The following MAGI2 variants were observed in gnomAD, a reference collection of about 807,000 sequenced individuals.
MAGI2 encodes membrane-associated guanylate kinase, WW and PDZ domain-containing protein 2.
Under a neutral mutation model 133.3 loss-of-function variants are expected in MAGI2, and 35 were observed. The ratio of observed to expected loss-of-function variants is 0.26; its 90% confidence interval spans 0.20 to 0.35. The LOEUF is 0.35. Among genes scored for constraint, MAGI2 ranks in the 10% least tolerant of loss-of-function variants. The pLI, the probability that MAGI2 is intolerant of heterozygous loss-of-function variation, is 1.00. For missense variants in MAGI2, 1,636 were observed against 1,863.4 expected (o/e 0.88, Z 2.25); for synonymous variants, 729 against 710.6 (o/e 1.03, Z -0.41).
intron 1 of MAGI2, among the ~76,000 whole-genome samples, chr7:79,154,182 C>T (rs1823539305): frequency 6.6e-6 from 1 of 151,966 alleles, no homozygotes; most frequent in African/African-American, 2.4e-5. Flanking sequence ...TCAGCTTATC[C>T]CAATCAGATA....
intron 21 of MAGI2, among the ~76,000 whole-genome samples, chr7:78,040,382 G>A (rs3807782): frequency 0.18 from 27,985 of 152,152 alleles, 3,404 homozygotes; most frequent in African/African-American, 0.34. Flanking sequence ...CCCCCTGGCG[G>A]CCCCTGGTCG....
At chr7:78,691,995 C>T (rs995769373) in intron 2 of MAGI2, among the ~76,000 whole-genome samples, 3 of 152,046 alleles carry the variant, frequency 2.0e-5, no homozygotes, top group Non-Finnish European at 4.4e-5. Context: ...GTTTTGCATG[C>T]GTCGGGGCAG....
intron 21 of MAGI2, among the ~76,000 whole-genome samples, chr7:78,028,056 C>T (rs1189209441): frequency 6.6e-6 from 1 of 152,126 alleles, no homozygotes; most frequent in Non-Finnish European, 1.5e-5. Context: ...AAAAGAAAAA[C>T]CTTTTAAGAA....
At chr7:79,080,806 C>T (rs959023679) in intron 1 of MAGI2, among the ~76,000 whole-genome samples, 2 of 152,116 alleles carry the variant, frequency 1.3e-5, no homozygotes, top group African/African-American at 4.8e-5. Flanking sequence ...TCAAATCTGT[C>T]AACTGCTCTC....
At chr7:78,800,593 T>G (rs931247562) in intron 2 of MAGI2, among the ~76,000 whole-genome samples, 1 of 152,102 alleles carries the variant, frequency 6.6e-6, no homozygotes, top group African/African-American at 2.4e-5. Flanking sequence ...AATAGAACAA[T>G]TTTTGGTCTA....
At chr7:78,891,644 T>C (rs1168257501) in intron 2 of MAGI2, among the ~76,000 whole-genome samples, 1 of 152,184 alleles carries the variant, frequency 6.6e-6, no homozygotes. Flanking sequence ...ATTATCTCAA[T>C]AGATGCAGAA....
chr7:78,192,282 A>G (rs1314690879), intron 12 of MAGI2, among the ~76,000 whole-genome samples: 1 of 152,174 alleles, frequency 6.6e-6, no homozygotes, highest in Non-Finnish European at 1.5e-5. Flanking sequence ...AATGTTATGC[A>G]TGTGATTCAA....
At chr7:79,404,298 T>C (rs755961229) in intron 1 of MAGI2, among the ~76,000 whole-genome samples, 11 of 152,112 alleles carry the variant, frequency 7.2e-5, no homozygotes, top group Non-Finnish European at 1.0e-4. Context: ...GGCTTCTGCA[T>C]TAATTTATGT....
At chr7:78,309,328 A>G (rs1346211487) in intron 9 of MAGI2, among the ~76,000 whole-genome samples, 1 of 152,248 alleles carries the variant, frequency 6.6e-6, no homozygotes, top group Non-Finnish European at 1.5e-5. Flanking sequence ...AAAATATGAT[A>G]CATATACACC....
chr7:79,097,701 C>G (rs961747583), intron 1 of MAGI2, among the ~76,000 whole-genome samples: 3 of 152,192 alleles, frequency 2.0e-5, no homozygotes, highest in African/African-American at 4.8e-5. Context: ...TAAAAACTCT[C>G]AATTTCTAAC....
intron 2 of MAGI2, among the ~76,000 whole-genome samples, chr7:78,727,572 A>T (rs1286984856): frequency 6.6e-6 from 1 of 152,208 alleles, no homozygotes; most frequent in East Asian, 1.9e-4. Flanking sequence ...AGTGAACTAC[A>T]TTCTTATTTT....
intron 2 of MAGI2, among the ~76,000 whole-genome samples, chr7:78,896,191 T>G (rs1328431559): frequency 6.6e-6 from 1 of 152,172 alleles, no homozygotes; most frequent in Non-Finnish European, 1.5e-5. Context: ...ATTTCCTGCA[T>G]TTCTTTGAGC....
intron 1 of MAGI2, among the ~76,000 whole-genome samples, chr7:79,415,944 G>T (rs1442193776): frequency 6.6e-6 from 1 of 152,060 alleles, no homozygotes. Flanking sequence ...TTAAAACTTA[G>T]TAAGAAAATA....
intron 1 of MAGI2, among the ~76,000 whole-genome samples, chr7:79,187,914 G>A (rs1255760257): frequency 6.6e-6 from 1 of 151,726 alleles, no homozygotes; most frequent in Admixed American, 6.6e-5. Context: ...AAAAAAAATT[G>A]TATGTTTATG....
At chr7:78,421,490 G>C (rs1006361219) in intron 6 of MAGI2, among the ~76,000 whole-genome samples, 2 of 152,034 alleles carry the variant, frequency 1.3e-5, no homozygotes, top group Non-Finnish European at 2.9e-5. Context: ...GATTATTTTC[G>C]TCACATATAA....
rs559645934 is a variant in MAGI2, at chr7:79,211,430, A to C, written c.302-204224T>G. On this transcript the variant is annotated intron_variant, in intron 1 of 21. Coordinates refer to ENST00000354212, the MANE Select transcript of MAGI2 (RefSeq NM_012301.4). Reference sequence around the variant, plus strand: ...GTAGCTGAGACTACAGTGCACCACTATGTCCGGCTAATTATTTTCTTTCTT... The same window carrying C: ...GTAGCTGAGACTACAGTGCACCACTCTGTCCGGCTAATTATTTTCTTTCTT... 7.9e-5 allele frequency among the ~76,000 whole-genome samples: 12 copies of C among 151,192 alleles called. No homozygotes were observed. The South Asian group carries it at 2.5e-3, about 32-fold the overall frequency.
At chr7:78,049,930 A>G (rs558428354) in intron 21 of MAGI2, among the ~76,000 whole-genome samples, 8 of 152,170 alleles carry the variant, frequency 5.3e-5, no homozygotes, top group Non-Finnish European at 1.0e-4. Flanking sequence ...GTAATTTTCC[A>G]CACATTTGTA....
chr7:78,772,757 G>A (rs1163545227), intron 2 of MAGI2, among the ~76,000 whole-genome samples: 1 of 152,130 alleles, frequency 6.6e-6, no homozygotes, highest in African/African-American at 2.4e-5. Flanking sequence ...TTTAGCTTCA[G>A]TTTGTGCTAC....
intron 11 of MAGI2, among the ~76,000 whole-genome samples, chr7:78,198,585 C>T (rs1828951427): frequency 6.6e-6 from 1 of 152,196 alleles, no homozygotes; most frequent in Non-Finnish European, 1.5e-5. Flanking sequence ...GCATATGCCA[C>T]CATGCCCAGC....
Sources: allele counts gnomAD v4.1 joint callset (sites outside exome capture counted in the v4.1 genomes callset), GRCh38; gene constraint gnomAD v4.1.1; transcripts MANE v1.5; gene names NCBI Gene and HGNC (gene_info 2026-07-23, HGNC 2026-07-21).